MIPOL1: variants seen among roughly 807,000 people sequenced by gnomAD.
MIPOL1 encodes mirror-image polydactyly gene 1 protein.
A neutral mutation model predicts 60.9 loss-of-function variants in MIPOL1; 57 were observed. That is an observed-to-expected ratio of 0.94 (90% CI 0.76 to 1.17). The LOEUF (loss-of-function observed/expected upper bound fraction) is 1.17, where lower values mean the gene tolerates loss of function less well. MIPOL1 is among the 50% of genes most tolerant of loss of function. The pLI is 0.00. For synonymous variants in MIPOL1, 179 were observed against 168.8 expected, an observed-to-expected ratio of 1.06 and a Z score of -0.47; for missense variants, 551 against 511.6, an observed-to-expected ratio of 1.08 and a Z score of -0.74.
At position 37,549,361 on chromosome 14, in the gene MIPOL1, A is replaced by G. The variant is rs1007891793; in HGVS notation, c.*2390A>G. The G allele has an allele frequency of 1.3e-5, 2 of 151,764 alleles. No homozygotes were observed. Among genetic ancestry groups the G allele is most frequent in the Non-Finnish European group, 3.0e-5 (2 of 67,772 alleles). The allele number at this position is 151,764 out of a possible 1,614,324, so 9.4% of individuals were successfully genotyped here. ...AAAGTCCTTTTACATCTGTTTTTTC[A>G]TTTGATCCTATCGACAATCATAATA... On this transcript the variant is annotated 3_prime_UTR_variant, in exon 13 of 13. Transcript: ENST00000684589.
At chr14:37,528,318 TAA>T (rs1461006236) in intron 12 of MIPOL1, among the ~76,000 whole-genome samples, 1 of 152,018 alleles carries the variant, frequency 6.6e-6, no homozygotes, top group Non-Finnish European at 1.5e-5. Context: ...TAAATGGCTT[TAA>T]GTCTATTCTA....
At chr14:37,497,789 A>T (rs1057132496) in intron 11 of MIPOL1, among the ~76,000 whole-genome samples, 4 of 152,240 alleles carry the variant, frequency 2.6e-5, no homozygotes, top group Non-Finnish European at 1.5e-5. Context: ...CTGAGGGAGG[A>T]TATAAAGCAA....
At position 37,478,923 on chromosome 14, in the gene MIPOL1, A is replaced by G. The variant is rs1594604485; in HGVS notation, c.1032-20985A>G. Among the ~76,000 whole-genome samples, 6 of 152,324 alleles carry G rather than the reference A, an allele frequency of 3.9e-5. No homozygotes were observed. The East Asian group carries it at 1.2e-3, about 29-fold the overall frequency. On this transcript the variant is annotated intron_variant, in intron 11 of 12. Transcript: ENST00000684589. ...AAAAAAAAGACAAAGAGGACATTAT[A>G]TAATGGTAAAGAGATCCATTTATCA...
At chr14:37,331,057 T>G (rs957491569) in intron 9 of MIPOL1, among the ~76,000 whole-genome samples, 1 of 152,140 alleles carries the variant, frequency 6.6e-6, no homozygotes, top group Non-Finnish European at 1.5e-5. Flanking sequence ...TGTTTGGTTT[T>G]GTTTTGTTTT....
chr14:37,465,309 C>G (rs1016345277), intron 11 of MIPOL1, among the ~76,000 whole-genome samples: 1 of 152,122 alleles, frequency 6.6e-6, no homozygotes, highest in Non-Finnish European at 1.5e-5. Context: ...ATTTTAGGAA[C>G]AATTACATTA....
chr14:37,383,566 T>G (rs2092985612), intron 10 of MIPOL1, among the ~76,000 whole-genome samples: 1 of 151,870 alleles, frequency 6.6e-6, no homozygotes, highest in Admixed American at 6.6e-5. Flanking sequence ...TTTTAAAAAT[T>G]TTCATACTGT....
At chr14:37,385,402 G>A (rs2093037334) in intron 10 of MIPOL1, 1 of 151,968 alleles carries the variant, frequency 6.6e-6, no homozygotes, top group Non-Finnish European at 1.5e-5. Context: ...AACAGAGGGC[G>A]GGAAAGAGGC....
At chr14:37,462,322 G>A (rs2094549208) in intron 11 of MIPOL1, among the ~76,000 whole-genome samples, 1 of 152,200 alleles carries the variant, frequency 6.6e-6, no homozygotes, top group Non-Finnish European at 1.5e-5. Flanking sequence ...AAGTCCCTAG[G>A]CTGCACACAG....
intron 11 of MIPOL1, among the ~76,000 whole-genome samples, chr14:37,461,109 A>G (rs2094533710): frequency 6.6e-6 from 1 of 152,224 alleles, no homozygotes; most frequent in African/African-American, 2.4e-5. Context: ...TTCAAATTAT[A>G]CTACAAGGCT....
intron 12 of MIPOL1, among the ~76,000 whole-genome samples, chr14:37,516,807 T>C (rs965876401): frequency 3.9e-5 from 6 of 152,184 alleles, no homozygotes; most frequent in African/African-American, 9.6e-5. Context: ...GAATAAACTA[T>C]ATTATACTTG....
intron 1 of MIPOL1, among the ~76,000 whole-genome samples, chr14:37,218,649 A>G (rs193125283): frequency 3.7e-4 from 57 of 152,222 alleles, no homozygotes; most frequent in Non-Finnish European, 6.9e-4. Flanking sequence ...TTTAAGAAAA[A>G]CAGAGGCTGT....
At chr14:37,472,508 C>T (rs781031470) in intron 11 of MIPOL1, among the ~76,000 whole-genome samples, 1 of 152,120 alleles carries the variant, frequency 6.6e-6, no homozygotes, top group Non-Finnish European at 1.5e-5. Flanking sequence ...GCAGATGGCA[C>T]TATTCTTTTC....
chr14:37,260,818 C>T (rs2082471757), intron 3 of MIPOL1, among the ~76,000 whole-genome samples: 1 of 152,090 alleles, frequency 6.6e-6, no homozygotes, highest in African/African-American at 2.4e-5. Context: ...TTTCCTGTGA[C>T]TCCTAAATTA....
chr14:37,201,669 A>G (rs1965366381), intron 1 of MIPOL1, among the ~76,000 whole-genome samples: 1 of 152,122 alleles, frequency 6.6e-6, no homozygotes, highest in Non-Finnish European at 1.5e-5. Context: ...TCTTCCCAGG[A>G]TGGAGGCCCT....
intron 9 of MIPOL1, among the ~76,000 whole-genome samples, chr14:37,363,814 G>A (rs2153488697): frequency 6.6e-6 from 1 of 152,276 alleles, no homozygotes; most frequent in Admixed American, 6.5e-5. Context: ...TGGCCGCTTT[G>A]TTTACCTACA....
At chr14:37,228,772 C>T (rs962157539) in intron 1 of MIPOL1, among the ~76,000 whole-genome samples, 1 of 152,096 alleles carries the variant, frequency 6.6e-6, no homozygotes, top group African/African-American at 2.4e-5. Context: ...ATTAGTGTTG[C>T]AAGGCACCCA....
At chr14:37,266,125 G>A (rs923316286) in intron 3 of MIPOL1, among the ~76,000 whole-genome samples, 8 of 152,092 alleles carry the variant, frequency 5.3e-5, no homozygotes, top group Non-Finnish European at 8.8e-5. Context: ...AGCTCTTATT[G>A]GGAAGCTTCT....
At chr14:37,263,441 A>G (rs1199444286) in intron 3 of MIPOL1, among the ~76,000 whole-genome samples, 1 of 152,216 alleles carries the variant, frequency 6.6e-6, no homozygotes, top group Non-Finnish European at 1.5e-5. Context: ...AATCCATAAT[A>G]TCATTTTTCA....
intron 5 of MIPOL1, among the ~76,000 whole-genome samples, chr14:37,269,444 T>C (rs1283718152): frequency 1.3e-5 from 2 of 152,110 alleles, no homozygotes; most frequent in East Asian, 3.9e-4. Context: ...TGTAACCTAA[T>C]CAAACTGAAG....
Sources: allele counts gnomAD v4.1 joint callset (sites outside exome capture counted in the v4.1 genomes callset), GRCh38; gene constraint gnomAD v4.1.1; transcripts MANE v1.5; gene names NCBI Gene and HGNC (gene_info 2026-07-23, HGNC 2026-07-21).